The following ATG7 variants were observed in gnomAD, a reference collection of about 807,000 sequenced individuals.
The protein encoded by ATG7 is autophagy related 7, also known as ubiquitin-like modifier-activating enzyme ATG7.
A neutral mutation model predicts 82.4 loss-of-function variants in ATG7; 70 were observed. That is an observed-to-expected ratio of 0.85 (90% CI 0.70 to 1.04). The LOEUF (loss-of-function observed/expected upper bound fraction) is 1.04. Ranked by LOEUF, ATG7 falls within the 50% of genes least tolerant of loss-of-function variation. The probability of loss-of-function intolerance (pLI) is 0.00; values close to 1 mark genes in which losing one functional copy is unlikely to be tolerated. For synonymous variants in ATG7, 287 were observed against 313.0 expected (o/e 0.92, Z 0.88); for missense variants, 792 against 864.3 (o/e 0.92, Z 1.05).
chr3:11,568,472 G>T, the ATG7 span: 1 of 1,256,264 alleles, frequency 8.0e-7, no homozygotes, highest in Non-Finnish European at 1.1e-6. This position sits in a 1 kb window ranked among gnomAD's most constrained non-coding sequence, Gnocchi z 5.9. Context: ...GGACTTCCAG[G>T]CCCACTAACT....
intron 20 of ATG7, among the ~76,000 whole-genome samples, chr3:11,553,167 G>A (rs1353654939): frequency 3.9e-5 from 6 of 152,192 alleles, no homozygotes; most frequent in Admixed American, 6.5e-5. Flanking sequence ...CAGGCAGCCC[G>A]CCCCGCCCTT....
rs116727951 is a variant in ATG7 at position 11,361,212 on chromosome 3, T to A, written c.1683+428T>A. On this transcript the variant is annotated intron_variant, in intron 16 of 20. Coordinates refer to ENST00000693202, the MANE Select transcript of ATG7 (RefSeq NM_001349232.2). The stretch of plus-strand genomic sequence containing the variant: ...CTACCTTTGCAAAATAGGAGTGATG[T>A]GTAGGCTTGTCAGATTTAGTAAGTA... Among the ~76,000 whole-genome samples the A allele has an allele frequency of 7.9e-3, 1,204 of 152,300 alleles. 21 individuals carry two copies. Among genetic ancestry groups the A allele is most frequent in the African/African-American group, 0.027 (1,139 of 41,570 alleles).
intron 19 of ATG7, among the ~76,000 whole-genome samples, chr3:11,388,773 C>T (rs1005357898): frequency 3.9e-5 from 6 of 152,144 alleles, no homozygotes; most frequent in Admixed American, 6.5e-5. Flanking sequence ...TCTTCATCCT[C>T]TTGCCTATAC....
At chr3:11,379,350 A>C (rs762029503) in intron 18 of ATG7, among the ~76,000 whole-genome samples, 3 of 152,160 alleles carry the variant, frequency 2.0e-5, no homozygotes, top group Non-Finnish European at 4.4e-5. Flanking sequence ...TAGTTTGTGA[A>C]ACCTGATTAT....
At chr3:11,412,901 T>G (rs1378419256) in intron 19 of ATG7, among the ~76,000 whole-genome samples, 1 of 152,174 alleles carries the variant, frequency 6.6e-6, no homozygotes, top group East Asian at 1.9e-4. Context: ...ATTTTTATTG[T>G]ATAAGTCTTT....
At chr3:11,319,234 T>G (rs965254173) in intron 9 of ATG7, among the ~76,000 whole-genome samples, 3 of 152,264 alleles carry the variant, frequency 2.0e-5, no homozygotes, top group African/African-American at 7.2e-5. Context: ...TGCATTAACC[T>G]TGTTCACTCT....
chr3:11,450,782 A>C (rs1481833212), intron 20 of ATG7, among the ~76,000 whole-genome samples: 2 of 152,308 alleles, frequency 1.3e-5, no homozygotes, highest in East Asian at 3.9e-4. Context: ...TATAGGTTCT[A>C]GCTTTCTTAG....
intron 20 of ATG7, among the ~76,000 whole-genome samples, chr3:11,496,834 TTA>T (rs139648970): frequency 0.011 from 1,722 of 152,284 alleles, 30 homozygotes; most frequent in African/African-American, 0.039. Context: ...AGGCCTTTCC[TTA>T]TGTCATGTCT....
At chr3:11,412,260 T>G (rs1292201334) in intron 19 of ATG7, among the ~76,000 whole-genome samples, 1 of 138,280 alleles carries the variant, frequency 7.2e-6, no homozygotes, top group African/African-American at 2.9e-5. Context: ...GTTATTTGAT[T>G]CTTTTTTTTT....
chr3:11,446,737 G>A (rs1221386687), intron 20 of ATG7: 1 of 225,852 alleles, frequency 4.4e-6, no homozygotes, highest in Non-Finnish European at 8.9e-6. Flanking sequence ...TCCAGTCAAG[G>A]GGCTACTTGG....
At position 11,402,791 on chromosome 3, in the gene ATG7, T is replaced by G. The variant is rs374759731; in HGVS notation, c.1956+22739T>G. Among the ~76,000 whole-genome samples, 47 of 152,320 alleles carry G rather than the reference T, an allele frequency of 3.1e-4. 1 individual carries two copies. The East Asian group carries it at 5.8e-3, about 19-fold the overall frequency. On this transcript the variant is annotated intron_variant, in intron 19 of 20. Coordinates refer to ENST00000693202, the MANE Select transcript of ATG7 (RefSeq NM_001349232.2). ...TTAATATAACACATTTTTTAACAAT[T>G]TTTTTAATGGAGTCAGGGTCTCATA...
chr3:11,445,582 G>A (rs1174347999), intron 20 of ATG7, among the ~76,000 whole-genome samples: 1 of 152,138 alleles, frequency 6.6e-6, no homozygotes, highest in African/African-American at 2.4e-5. Context: ...ATGGGCACCA[G>A]GCCTAATACC....
chr3:11,354,467 G>A (rs2152802314), intron 14 of ATG7, among the ~76,000 whole-genome samples: 2 of 151,998 alleles, frequency 1.3e-5, no homozygotes, highest in East Asian at 3.9e-4. Context: ...TGGCCAACAT[G>A]GTGAAACCCC....
chr3:11,276,335 A>G (rs906971782), intron 1 of ATG7, among the ~76,000 whole-genome samples: 2 of 152,164 alleles, frequency 1.3e-5, no homozygotes, highest in African/African-American at 4.8e-5. Flanking sequence ...TTGAGATCCC[A>G]TCGCCTCCTT....
chr3:11,426,380 A>G (rs1405841496), intron 19 of ATG7, among the ~76,000 whole-genome samples: 1 of 152,174 alleles, frequency 6.6e-6, no homozygotes, highest in African/African-American at 2.4e-5. Flanking sequence ...ATTATTTTTA[A>G]AAATATATTT....
chr3:11,508,746 CAGCCCT>C (rs1261047494), intron 20 of ATG7, among the ~76,000 whole-genome samples: 1 of 152,230 alleles, frequency 6.6e-6, no homozygotes, highest in African/African-American at 2.4e-5. Flanking sequence ...CTACCATGCA[CAGCCCT>C]ATGTAGCCTA....
At chr3:11,545,146 A>AG (rs1167835687) in intron 20 of ATG7, among the ~76,000 whole-genome samples, 1 of 151,480 alleles carries the variant, frequency 6.6e-6, no homozygotes, top group African/African-American at 2.4e-5. Context: ...GGCCAGAGAG[A>AG]GGGTGCCGGG....
intron 20 of ATG7, among the ~76,000 whole-genome samples, chr3:11,449,716 A>C (rs538452180): frequency 6.6e-6 from 1 of 152,180 alleles, no homozygotes; most frequent in Non-Finnish European, 1.5e-5. Flanking sequence ...GTTAGATGCA[A>C]AGCTTCTGGA....
At chr3:11,385,280 G>A (rs186642040) in intron 19 of ATG7, among the ~76,000 whole-genome samples, 53 of 152,194 alleles carry the variant, frequency 3.5e-4, no homozygotes, top group African/African-American at 1.2e-3. Context: ...TGCCCACCTC[G>A]ACCTCCCAAA....
Sources: gnomAD v4.1 joint callset for allele counts (sites outside exome capture counted in the v4.1 genomes callset) on GRCh38, gnomAD v4.1.1 for gene constraint, Gnocchi (gnomAD v3.1) non-coding constraint, MANE v1.5 for transcripts, NCBI Gene and HGNC (gene_info 2026-07-23, HGNC 2026-07-21) for gene names.